The following TRHDE variants were observed in gnomAD, a reference collection of about 807,000 sequenced individuals.
TRHDE encodes the protein thyrotropin releasing hormone degrading enzyme.
Under a neutral mutation model 125.7 loss-of-function variants are expected in TRHDE, and 72 were observed. That is an observed-to-expected ratio of 0.57 (90% confidence interval 0.47 to 0.70). TRHDE has a LOEUF of 0.70. Ranked by LOEUF, TRHDE falls within the 30% of genes least tolerant of loss-of-function variation. TRHDE has a pLI of 0.00. For missense variants in TRHDE, 1,110 were observed against 1,327.1 expected, an observed-to-expected ratio of 0.84 and a Z score of 2.54; for synonymous variants, 509 against 509.1, an observed-to-expected ratio of 1.00 and a Z score of 0.00.
chr12:72,479,857 C>T (rs549638942), intron 5 of TRHDE, among the ~76,000 whole-genome samples: 1,732 of 149,124 alleles, frequency 0.012, 38 homozygotes, highest in African/African-American at 0.041. Context: ...GTTCCCCTTC[C>T]TGTGTCCATG....
At chr12:72,153,625 C>G (rs1487852868) in intron 2 of TRHDE, among the ~76,000 whole-genome samples, 1 of 152,088 alleles carries the variant, frequency 6.6e-6, no homozygotes, top group East Asian at 1.9e-4. Context: ...CAAAGAACAT[C>G]TTTATTTCTG....
intron 6 of TRHDE, among the ~76,000 whole-genome samples, chr12:72,523,690 A>G (rs974632696): frequency 2.0e-5 from 3 of 152,216 alleles, no homozygotes; most frequent in Non-Finnish European, 4.4e-5. Flanking sequence ...TGCACCTTCA[A>G]TGAAAACCTT....
chr12:72,633,693 T>C (rs1873593197), intron 15 of TRHDE, among the ~76,000 whole-genome samples: 1 of 152,102 alleles, frequency 6.6e-6, no homozygotes, highest in Admixed American at 6.6e-5. Flanking sequence ...ATTGTAGAGA[T>C]TTCTAGAAAC....
chr12:72,192,156 G>A (rs1407746519), intron 2 of TRHDE, among the ~76,000 whole-genome samples: 1 of 152,052 alleles, frequency 6.6e-6, no homozygotes, highest in African/African-American at 2.4e-5. Flanking sequence ...AATATTAGAG[G>A]AGATTAGTTC....
At chr12:72,634,206 C>T (rs190044904) in intron 15 of TRHDE, among the ~76,000 whole-genome samples, 103 of 152,216 alleles carry the variant, frequency 6.8e-4, no homozygotes, top group African/African-American at 2.4e-3. Flanking sequence ...TCCTTCTAAA[C>T]AGCATTAGGT....
chr12:72,294,378 G>A (rs71456095), intron 2 of TRHDE, among the ~76,000 whole-genome samples: 1 of 152,074 alleles, frequency 6.6e-6, no homozygotes, highest in Non-Finnish European at 1.5e-5. Context: ...GTGGTGGGGG[G>A]CGGTGGGGCG....
chr12:72,604,324 A>G (rs1052884516), intron 12 of TRHDE, among the ~76,000 whole-genome samples: 1 of 151,984 alleles, frequency 6.6e-6, no homozygotes, highest in African/African-American at 2.4e-5. Context: ...TTTTTTTTAA[A>G]GGGCATTTTA....
At chr12:72,174,184 A>T (rs1411065338) in intron 2 of TRHDE, among the ~76,000 whole-genome samples, 1 of 152,138 alleles carries the variant, frequency 6.6e-6, no homozygotes, top group East Asian at 1.9e-4. Flanking sequence ...AGGGAAAGAG[A>T]GACATTTAGC....
At position 72,663,199 on chromosome 12, in the gene TRHDE, A is replaced by C. The variant is rs200312915; in HGVS notation, c.*4A>C. The C allele has an allele frequency of 3.8e-6, 6 of 1,592,246 alleles. No individual in the cohort carries two copies. On this transcript the variant is annotated 3_prime_UTR_variant, in exon 19 of 19. Coordinates refer to ENST00000261180, the MANE Select transcript of TRHDE (RefSeq NM_013381.3). ...AGGAAAAGCTCTAAGACACTAATAT[A>C]TGTATCTTATAAACAAACAATTCAA... is the stretch of plus-strand genomic sequence containing the variant.
At chr12:72,261,704 A>ATAT (rs1472056189) in intron 2 of TRHDE, among the ~76,000 whole-genome samples, 2 of 152,180 alleles carry the variant, frequency 1.3e-5, no homozygotes, top group Admixed American at 6.5e-5. Context: ...GATGTTCTAT[A>ATAT]TATTACCTTG....
At chr12:72,518,404 G>A (rs11531191) in intron 6 of TRHDE, among the ~76,000 whole-genome samples, 34,363 of 149,704 alleles carry the variant, frequency 0.23, 5,348 homozygotes, top group East Asian at 0.47. Context: ...ATGTAATGGC[G>A]TTCTTTGTCT....
At chr12:72,139,045 T>C (rs539416588) in intron 2 of TRHDE, among the ~76,000 whole-genome samples, 5 of 152,360 alleles carry the variant, frequency 3.3e-5, no homozygotes, top group South Asian at 4.1e-4. Context: ...TGTGTGAGCA[T>C]AGCCTCCCTA....
intron 17 of TRHDE, among the ~76,000 whole-genome samples, chr12:72,654,189 T>G (rs554231959): frequency 2.0e-5 from 3 of 152,242 alleles, no homozygotes; most frequent in Non-Finnish European, 4.4e-5. Context: ...CAATACACAG[T>G]TTCTTTAGGG....
intron 2 of TRHDE, among the ~76,000 whole-genome samples, chr12:72,252,914 G>A (rs1450554084): frequency 6.6e-6 from 1 of 151,920 alleles, no homozygotes; most frequent in African/African-American, 2.4e-5. Flanking sequence ...TTTTCCTTGG[G>A]TTGATTGTAA....
chr12:72,249,304 G>T (rs1383127991), intron 2 of TRHDE, among the ~76,000 whole-genome samples: 2 of 152,148 alleles, frequency 1.3e-5, no homozygotes, highest in Non-Finnish European at 2.9e-5. Context: ...ACCTGACAAA[G>T]AATTTTATCC....
At chr12:72,279,251 A>G (rs1050100301) in intron 1 of TRHDE, among the ~76,000 whole-genome samples, 5 of 152,240 alleles carry the variant, frequency 3.3e-5, no homozygotes, top group Admixed American at 1.3e-4. Flanking sequence ...CTCTGTAAGT[A>G]TGACTTCAAG....
At chr12:72,624,378 G>A (rs557869609) in intron 15 of TRHDE, among the ~76,000 whole-genome samples, 2 of 152,036 alleles carry the variant, frequency 1.3e-5, no homozygotes, top group African/African-American at 4.8e-5. Flanking sequence ...TAGAGGTAAT[G>A]TAGTAGTATA....
At chr12:72,493,892 G>A (rs1417625519) in intron 5 of TRHDE, among the ~76,000 whole-genome samples, 1 of 151,914 alleles carries the variant, frequency 6.6e-6, no homozygotes, top group Non-Finnish European at 1.5e-5. Context: ...ATAATTAACA[G>A]CCTTTTCGGT....
chr12:72,616,782 T>C (rs535705223), intron 12 of TRHDE, among the ~76,000 whole-genome samples: 1 of 152,224 alleles, frequency 6.6e-6, no homozygotes, highest in South Asian at 2.1e-4. Flanking sequence ...CTTTTCTTAT[T>C]TAACAAAATA....
Sources: allele counts gnomAD v4.1 joint callset (sites outside exome capture counted in the v4.1 genomes callset), GRCh38; gene constraint gnomAD v4.1.1; transcripts MANE v1.5; gene names NCBI Gene and HGNC (gene_info 2026-07-23, HGNC 2026-07-21).